The following P2RX7 variants were observed in gnomAD, a reference collection of about 807,000 sequenced individuals.
P2RX7 encodes P2X purinoceptor 7.
A neutral mutation model predicts 71.6 loss-of-function variants in P2RX7; 62 were observed. That is an observed-to-expected ratio of 0.87 (90% CI 0.71 to 1.07). The LOEUF (loss-of-function observed/expected upper bound fraction) is 1.07. Ranked by LOEUF, P2RX7 falls within the 50% of genes least tolerant of loss-of-function variation. The pLI, the probability that P2RX7 is intolerant of heterozygous loss-of-function variation, is 0.00. For missense variants in P2RX7, 686 were observed against 748.5 expected (o/e 0.92, Z 0.97); for synonymous variants, 299 against 283.3 (o/e 1.06, Z -0.56).
chr12:121,165,996 A>G (rs1880931357), intron 6 of P2RX7, 62 bp from the exon 7 acceptor site: 1 of 1,541,654 alleles, frequency 6.5e-7, no homozygotes, highest in Non-Finnish European at 8.9e-7. Context: ...ACTCCTGGGA[A>G]AGAGACAGAT....
chr12:121,166,325 G>A (rs1027724919), intron 7 of P2RX7, 138 bp downstream of exon 7: 15 of 857,714 alleles, frequency 1.7e-5, no homozygotes, highest in African/African-American at 8.5e-5. Context: ...CACCCGCTAC[G>A]CTAAGGACTT....
intron 1 of P2RX7, among the ~76,000 whole-genome samples, chr12:121,150,063 A>C (rs1045445268): frequency 1.3e-5 from 2 of 152,178 alleles, no homozygotes; most frequent in African/African-American, 2.4e-5. Context: ...GAGGGGTGAC[A>C]TGGCTCACCT....
At chr12:121,183,428 G>A (rs1350646980) in intron 12 of P2RX7, among the ~76,000 whole-genome samples, 12 of 148,480 alleles carry the variant, frequency 8.1e-5, no homozygotes, top group Non-Finnish European at 1.3e-4. Context: ...AAAATTAGCC[G>A]GGTGTGGTGG....
At position 121,133,105 on chromosome 12, in the gene P2RX7, A is replaced by G; in HGVS notation, c.125+10A>G. The G allele has an allele frequency of 6.2e-7, 1 of 1,614,070 alleles. No individual in the cohort carries two copies. The highest frequency in any genetic ancestry group is 8.5e-7 in the Non-Finnish European group (1 of 1,179,970). On this transcript the variant is annotated intron_variant, in intron 1 of 12. Transcript: ENST00000328963. ...TCTTTTCCTACGTTTGGTAAGTGGG[A>G]TCTGGGGAGGACCCAGATCTCTGCA... is the stretch of plus-strand genomic sequence containing the variant.
rs961623971 is a variant in P2RX7, at chr12:121,149,226, G to C, written c.126-5559G>C. ...GGTGGGTCCAGAGCAAGCAGCCTCAGGGTCCCATGGGCCCAACCTCACCCT... is the reference window on the plus strand; with the variant it reads ...GGTGGGTCCAGAGCAAGCAGCCTCACGGTCCCATGGGCCCAACCTCACCCT... On this transcript the variant is annotated intron_variant, in intron 1 of 12. Coordinates refer to ENST00000328963, the MANE Select transcript of P2RX7 (RefSeq NM_002562.6). This position sits in a 1 kb window ranked among gnomAD's most constrained non-coding sequence, Gnocchi z 4.7. The C allele has an allele frequency of 9.2e-6, 3 of 327,780 alleles. No homozygotes were observed. Among genetic ancestry groups the C allele is most frequent in the Non-Finnish European group, 1.8e-5 (3 of 165,880 alleles). 20.3% of individuals were successfully genotyped at this position (327,780 alleles called of 1,614,324 possible). A position where few individuals can be genotyped will look rare whatever the true frequency, so the allele number is the denominator to read the frequency against.
rs78945476 is a variant in P2RX7 at position 121,136,631 on chromosome 12, T to C, written c.125+3536T>C. On this transcript the variant is annotated intron_variant, in intron 1 of 12. Coordinates refer to ENST00000328963, the MANE Select transcript of P2RX7 (RefSeq NM_002562.6). ...GCCACTTTGTCTGGCCTACAATTCC[T>C]TTTCTTTCTTTCTTTCTTTTTTTTT... Among the ~76,000 whole-genome samples the C allele has an allele frequency of 1.5e-3, 217 of 149,526 alleles. 2 individuals carry two copies. In the East Asian group the frequency reaches 0.035, roughly 24 times the overall value.
At chr12:121,167,182 G>C (rs946930203) in intron 7 of P2RX7, among the ~76,000 whole-genome samples, 5 of 152,058 alleles carry the variant, frequency 3.3e-5, no homozygotes, top group African/African-American at 1.2e-4. Context: ...GTTTGGACTT[G>C]ATCTTTAATG....
intron 1 of P2RX7, among the ~76,000 whole-genome samples, chr12:121,138,259 G>C (rs1874118844): frequency 6.6e-6 from 1 of 152,216 alleles, no homozygotes; most frequent in Admixed American, 6.5e-5. Context: ...CCTACATCCT[G>C]GCTCCATTTG....
rs374103537 is a variant in P2RX7 at position 121,174,894 on chromosome 12, G to A, written c.882-494G>A. Reference sequence around the variant, plus strand: ...GAGGGGGGACTGCTCTTTGGTTCCAGGTGGTTGGAGAGAGACCCAGGGCTT... The same window carrying A: ...GAGGGGGGACTGCTCTTTGGTTCCAAGTGGTTGGAGAGAGACCCAGGGCTT... On this transcript the variant is annotated intron_variant, in intron 8 of 12. Coordinates refer to ENST00000328963, the MANE Select transcript of P2RX7 (RefSeq NM_002562.6). Among the ~76,000 whole-genome samples, 22 of 152,224 alleles carry A rather than the reference G, an allele frequency of 1.4e-4. 1 individual carries two copies. The East Asian group carries it at 3.1e-3, about 21-fold the overall frequency.
chr12:121,138,849 C>A (rs656612), intron 1 of P2RX7, among the ~76,000 whole-genome samples: 92,524 of 152,128 alleles, frequency 0.61, 30,458 homozygotes, highest in Middle Eastern at 0.81. Flanking sequence ...ATGGAGGTTG[C>A]CAGCTCACCT....
chr12:121,148,974 C>A (rs945675322), intron 1 of P2RX7: 3 of 469,034 alleles, frequency 6.4e-6, no homozygotes, highest in African/African-American at 2.0e-5. Flanking sequence ...GAGGCTCAGC[C>A]CTTTGATGTT....
chr12:121,147,286 G>A (rs866863594), intron 1 of P2RX7, among the ~76,000 whole-genome samples: 1 of 152,116 alleles, frequency 6.6e-6, no homozygotes, highest in Non-Finnish European at 1.5e-5. Flanking sequence ...CTATTAAGTG[G>A]GGGTAATAAT....
chr12:121,140,246 G>C (rs1040145917), intron 1 of P2RX7, among the ~76,000 whole-genome samples: 6 of 152,214 alleles, frequency 3.9e-5, no homozygotes, highest in African/African-American at 1.4e-4. Context: ...GAACAGCAAG[G>C]ACAGCATGTC....
At position 121,180,468 on chromosome 12, in the gene P2RX7, A is replaced by C; in HGVS notation, c.1290+13A>C. ...CCAAGAAGTCCCAGTAAGTTAAATCATTTTGTCTTTTTTTTTTTTTTAAGA... is the reference window on the plus strand; with the variant it reads ...CCAAGAAGTCCCAGTAAGTTAAATCCTTTTGTCTTTTTTTTTTTTTTAAGA... On this transcript the variant is annotated intron_variant, in intron 12 of 12. Transcript: ENST00000328963. 7.1e-7 allele frequency: 1 copy of C among 1,415,690 alleles called. No homozygotes were observed. The highest frequency in any genetic ancestry group is 9.7e-7 in the Non-Finnish European group (1 of 1,030,954). The allele number at this position is 1,415,690 out of a possible 1,614,324, so 87.7% of individuals were successfully genotyped here. A position where few individuals can be genotyped will look rare whatever the true frequency, so the allele number is the denominator to read the frequency against.
rs1193618142 is a variant in P2RX7, at chr12:121,185,136, C to T, written c.*334C>T. On this transcript the variant is annotated 3_prime_UTR_variant, in exon 13 of 13. Coordinates refer to ENST00000328963, the MANE Select transcript of P2RX7 (RefSeq NM_002562.6). The stretch of plus-strand genomic sequence containing the variant: ...GCAGGGGCTGCAGTAGCCATGTTAA[C>T]ATGACATTTACCAGCAACTTGAACT... The T allele has an allele frequency of 5.0e-6, 1 of 201,258 alleles. No individual in the cohort carries two copies. The highest frequency in any genetic ancestry group is 1.0e-5 in the Non-Finnish European group (1 of 99,726). The allele number at this position is 201,258 out of a possible 1,614,324, so 12.5% of individuals were successfully genotyped here. A position where few individuals can be genotyped will look rare whatever the true frequency, so the allele number is the denominator to read the frequency against.
In P2RX7 at chr12:121,160,811, G is replaced by A. The variant is rs971973936; in HGVS notation, c.364-91G>A. The A allele has an allele frequency of 1.2e-4, 128 of 1,067,154 alleles. 1 individual carries two copies. Among genetic ancestry groups the A allele is most frequent in the East Asian group, 2.1e-4 (9 of 42,288 alleles). The allele number at this position is 1,067,154 out of a possible 1,614,324, so 66.1% of individuals were successfully genotyped here. A position where few individuals can be genotyped will look rare whatever the true frequency, so the allele number is the denominator to read the frequency against. On this transcript the variant is annotated intron_variant, in intron 3 of 12. Coordinates refer to ENST00000328963, the MANE Select transcript of P2RX7 (RefSeq NM_002562.6). ...CTGAGTAGTGCTGCTATAAGCATTC[G>A]TGTGCACATTCTGGTGGATATCGAA...
intron 1 of P2RX7, among the ~76,000 whole-genome samples, chr12:121,150,017 G>A (rs1877063667): frequency 6.6e-6 from 1 of 152,162 alleles, no homozygotes; most frequent in African/African-American, 2.4e-5. Context: ...AAGGCTGGGA[G>A]TTCTCTCTTC....
intron 3 of P2RX7, among the ~76,000 whole-genome samples, chr12:121,160,298 C>A (rs954542165): frequency 2.6e-5 from 4 of 152,118 alleles, no homozygotes; most frequent in African/African-American, 7.2e-5. Context: ...CAGGCGCACA[C>A]CACCACATCT....
chr12:121,170,422 C>A (rs2136112340), intron 8 of P2RX7, among the ~76,000 whole-genome samples: 1 of 152,288 alleles, frequency 6.6e-6, no homozygotes, highest in South Asian at 2.1e-4. Flanking sequence ...TCTTTTAGAA[C>A]AAAGTGGTAG....
Sources: allele counts gnomAD v4.1 joint callset (sites outside exome capture counted in the v4.1 genomes callset), GRCh38; gene constraint gnomAD v4.1.1; non-coding constraint Gnocchi (gnomAD v3.1); transcripts MANE v1.5; gene names NCBI Gene and HGNC (gene_info 2026-07-23, HGNC 2026-07-21).